The following CABCOCO1 variants were observed in gnomAD, a reference collection of about 807,000 sequenced individuals.
The protein encoded by CABCOCO1 is ciliary-associated calcium-binding coiled-coil protein 1.
CABCOCO1 carries 28 observed loss-of-function variants against 35.7 expected under a neutral mutation model. The ratio of observed to expected loss-of-function variants is 0.78; its 90% confidence interval spans 0.58 to 1.07. The LOEUF is 1.07. CABCOCO1 is among the 50% of genes least tolerant of loss of function. CABCOCO1 has a pLI of 0.00. For missense variants in CABCOCO1, 326 were observed against 309.2 expected (o/e 1.05, Z -0.41); for synonymous variants, 95 against 100.1 (o/e 0.95, Z 0.30).
rs1839785260 is a variant in CABCOCO1 at position 61,681,325 on chromosome 10, T to A, written c.334+13T>A. On this transcript the variant is annotated intron_variant, in intron 3 of 7. Transcript: ENST00000648843. The stretch of plus-strand genomic sequence containing the variant: ...CAAAATCTTAAAAGTAAGTACACTA[T>A]TTTCCTTTGAAGTAAAACAAATTTA... 4 of 1,504,876 alleles carry A rather than the reference T, an allele frequency of 2.7e-6. No homozygotes were observed. The South Asian group carries it at 4.8e-5, about 18-fold the overall frequency. 93.2% of individuals were successfully genotyped at this position (1,504,876 alleles called of 1,614,324 possible).
At chr10:61,762,559 G>A (rs1306554065) in intron 7 of CABCOCO1, among the ~76,000 whole-genome samples, 1 of 152,068 alleles carries the variant, frequency 6.6e-6, no homozygotes, top group East Asian at 1.9e-4. Flanking sequence ...CAATGAAATA[G>A]CATGATGATG....
chr10:61,729,296 A>G (rs1209106857), intron 5 of CABCOCO1, among the ~76,000 whole-genome samples: 1 of 152,184 alleles, frequency 6.6e-6, no homozygotes, highest in East Asian at 1.9e-4. Context: ...CTTTCATTGA[A>G]TTATAAACCC....
rs557182994 is a variant in CABCOCO1, at chr10:61,746,743, T to A, written c.553-13316T>A. On this transcript the variant is annotated intron_variant, in intron 5 of 7. Transcript: ENST00000648843. Reference sequence around the variant, plus strand: ...TAAATTTCACTGTCACTAGAGCCTATTTAAGGAATATTCTATGTTCTCACT... The same window carrying A: ...TAAATTTCACTGTCACTAGAGCCTAATTAAGGAATATTCTATGTTCTCACT... Among the ~76,000 whole-genome samples the A allele has an allele frequency of 3.9e-5, 6 of 152,272 alleles. No individual in the cohort carries two copies. The East Asian group carries it at 9.6e-4, about 24-fold the overall frequency.
At chr10:61,710,951 A>T (rs985280601) in intron 5 of CABCOCO1, among the ~76,000 whole-genome samples, 1 of 151,868 alleles carries the variant, frequency 6.6e-6, no homozygotes, top group Non-Finnish European at 1.5e-5. Flanking sequence ...ACAAACCCCA[A>T]ATCAATCACC....
intron 5 of CABCOCO1, among the ~76,000 whole-genome samples, chr10:61,740,923 G>A (rs1026700662): frequency 7.2e-5 from 11 of 152,218 alleles, no homozygotes; most frequent in Admixed American, 5.2e-4. Flanking sequence ...GAGGTGGGAG[G>A]ATCATTTGAG....
chr10:61,703,798 G>C (rs180860986), intron 5 of CABCOCO1, among the ~76,000 whole-genome samples: 11 of 152,204 alleles, frequency 7.2e-5, no homozygotes, highest in Admixed American at 5.2e-4. Context: ...AGGAGCTTGA[G>C]GGAAATGGTG....
At chr10:61,763,144 C>T (rs562120262) in intron 7 of CABCOCO1, among the ~76,000 whole-genome samples, 1 of 151,910 alleles carries the variant, frequency 6.6e-6, no homozygotes, top group Non-Finnish European at 1.5e-5. Flanking sequence ...AGATTTTTTT[C>T]TCCTACTTTG....
At chr10:61,756,943 T>G (rs1339903959) in intron 5 of CABCOCO1, among the ~76,000 whole-genome samples, 1 of 152,082 alleles carries the variant, frequency 6.6e-6, no homozygotes, top group African/African-American at 2.4e-5. Flanking sequence ...ATAAAAATAG[T>G]TATAAAACTA....
chr10:61,688,951 A>C (rs1840048502), intron 4 of CABCOCO1, among the ~76,000 whole-genome samples: 1 of 152,164 alleles, frequency 6.6e-6, no homozygotes, highest in Non-Finnish European at 1.5e-5. Context: ...CCAAGCCTGC[A>C]GCTTTGACCA....
At chr10:61,676,830 G>A (rs565151167) in intron 2 of CABCOCO1, among the ~76,000 whole-genome samples, 1 of 152,194 alleles carries the variant, frequency 6.6e-6, no homozygotes, top group South Asian at 2.1e-4. Context: ...GGGAGGCTGA[G>A]GCAGGCGGAT....
intron 5 of CABCOCO1, among the ~76,000 whole-genome samples, chr10:61,705,082 T>C (rs1840561805): frequency 6.6e-6 from 1 of 152,188 alleles, no homozygotes; most frequent in Admixed American, 6.6e-5. Flanking sequence ...TCTTAACAAT[T>C]GAGACTAAAG....
intron 5 of CABCOCO1, among the ~76,000 whole-genome samples, chr10:61,713,689 A>G (rs2132032566): frequency 6.6e-6 from 1 of 152,294 alleles, no homozygotes; most frequent in Admixed American, 6.5e-5. Flanking sequence ...CGTTCCATCA[A>G]TACCTAGTTT....
intron 5 of CABCOCO1, among the ~76,000 whole-genome samples, chr10:61,757,358 T>C (rs1841918571): frequency 6.6e-6 from 1 of 152,088 alleles, no homozygotes; most frequent in Non-Finnish European, 1.5e-5. Context: ...ACTTTATATT[T>C]ACCCTCATCT....
intron 5 of CABCOCO1, among the ~76,000 whole-genome samples, chr10:61,703,914 T>TA (rs1174091263): frequency 6.6e-6 from 1 of 152,104 alleles, no homozygotes; most frequent in Admixed American, 6.6e-5. Flanking sequence ...CTGTTGGTTT[T>TA]AAAAATATGT....
At chr10:61,765,372 G>C (rs1163385650) in intron 7 of CABCOCO1, among the ~76,000 whole-genome samples, 4 of 152,058 alleles carry the variant, frequency 2.6e-5, no homozygotes, top group Admixed American at 6.5e-5. Flanking sequence ...CAAAACCTGA[G>C]AGCAATTGCT....
chr10:61,746,805 T>A (rs1026373988), intron 5 of CABCOCO1, among the ~76,000 whole-genome samples: 1 of 152,084 alleles, frequency 6.6e-6, no homozygotes, highest in Non-Finnish European at 1.5e-5. Context: ...GTTGGAATAA[T>A]AGGAAATGAA....
chr10:61,667,672 A>G (rs1334088274), intron 1 of CABCOCO1, among the ~76,000 whole-genome samples: 1 of 151,834 alleles, frequency 6.6e-6, no homozygotes, highest in African/African-American at 2.4e-5. Flanking sequence ...TCTGTTTCTA[A>G]TTAGCTTCTT....
intron 5 of CABCOCO1, among the ~76,000 whole-genome samples, chr10:61,706,356 A>G (rs1840592614): frequency 6.6e-6 from 1 of 152,254 alleles, no homozygotes; most frequent in Non-Finnish European, 1.5e-5. Context: ...TTGAAATAAT[A>G]TGATCATTAA....
chr10:61,716,651 C>T (rs758228761), intron 5 of CABCOCO1, among the ~76,000 whole-genome samples: 3 of 152,092 alleles, frequency 2.0e-5, no homozygotes, highest in Non-Finnish European at 4.4e-5. Flanking sequence ...TTTTAACTTT[C>T]AATCTTGAAT....
Sources: gnomAD v4.1 joint callset for allele counts (sites outside exome capture counted in the v4.1 genomes callset) on GRCh38, gnomAD v4.1.1 for gene constraint, MANE v1.5 for transcripts, NCBI Gene and HGNC (gene_info 2026-07-23, HGNC 2026-07-21) for gene names.